Variants in SP3 observed in about 807,000 individuals in gnomAD.
SP3 encodes Sp3 transcription factor, also known as transcription factor Sp3.
Under a neutral mutation model 70.3 loss-of-function variants are expected in SP3, and 10 were observed. The observed-to-expected ratio is 0.14, with a 90% CI of 0.09 to 0.24. The LOEUF (loss-of-function observed/expected upper bound fraction) is 0.24. Ranked by LOEUF, SP3 falls within the 10% of genes least tolerant of loss-of-function variation. SP3 has a pLI of 1.00. For synonymous variants in SP3, 402 were observed against 333.5 expected (o/e 1.21, Z -2.24); for missense variants, 825 against 914.6 (o/e 0.90, Z 1.26).
In SP3 at chr2:173,964,560, G is replaced by A. The variant is rs1303977656; in HGVS notation, c.8-7C>T. 8.3e-6 allele frequency: 4 copies of A among 481,242 alleles called. No homozygotes were observed. The highest frequency in any genetic ancestry group is 2.4e-5 in the Admixed American group (1 of 41,448). 29.8% of individuals were successfully genotyped at this position (481,242 alleles called of 1,614,324 possible). A position where few individuals can be genotyped will look rare whatever the true frequency, so the allele number is the denominator to read the frequency against. Reference sequence around the variant, plus strand: ...TTCACGGGCTTTTCGGGAGCTGCAGGCACAGCGCGGGGGGGTGGGGGTGGG... The same window carrying A: ...TTCACGGGCTTTTCGGGAGCTGCAGACACAGCGCGGGGGGGTGGGGGTGGG... On this transcript the variant is annotated splice_polypyrimidine_tract_variant and splice_region_variant and intron_variant, in intron 1 of 6. Transcript: ENST00000310015.
chr2:173,933,672 A>ATATATATATATAT (rs1553516838), intron 4 of SP3, among the ~76,000 whole-genome samples: 3 of 140,844 alleles, frequency 2.1e-5, no homozygotes, highest in African/African-American at 8.1e-5. Context: ...ATATATATAT[A>ATATATATATATAT]AAAGTTATAA....
intron 4 of SP3, among the ~76,000 whole-genome samples, chr2:173,940,453 T>C (rs946455126): frequency 1.3e-5 from 2 of 152,232 alleles, no homozygotes; most frequent in African/African-American, 4.8e-5. Context: ...TATCGCCCAC[T>C]GCTTACTTTT....
intron 4 of SP3, among the ~76,000 whole-genome samples, chr2:173,935,577 C>T (rs1690186578): frequency 6.6e-6 from 1 of 152,186 alleles, no homozygotes; most frequent in East Asian, 1.9e-4. Flanking sequence ...GTACACACTT[C>T]CTGCACGTTT....
chr2:173,934,058 C>A (rs889428015), intron 4 of SP3, among the ~76,000 whole-genome samples: 32 of 151,782 alleles, frequency 2.1e-4, no homozygotes, highest in Middle Eastern at 3.4e-3. Flanking sequence ...ATAGTGAGAC[C>A]CCATCATTAC....
chr2:173,904,273 C>T lies in SP3; in HGVS notation c.*5668G>A, dbSNP rs531451401. 6.6e-4 allele frequency among the ~76,000 whole-genome samples: 101 copies of T among 152,198 alleles called. No homozygotes were observed. Among genetic ancestry groups the T allele is most frequent in the African/African-American group, 2.3e-3 (94 of 41,526 alleles). On this transcript the variant is annotated 3_prime_UTR_variant, in exon 7 of 7. Coordinates refer to ENST00000310015, the MANE Select transcript of SP3 (RefSeq NM_003111.5). The stretch of plus-strand genomic sequence containing the variant: ...TTCCTCACAGACCAGGGACCAGTAC[C>T]GGTCTGTGGCCCAGGGGTTGGGGAC...
chr2:173,931,906 T>C (rs935953923), intron 4 of SP3, among the ~76,000 whole-genome samples: 7 of 152,328 alleles, frequency 4.6e-5, no homozygotes, highest in Admixed American at 3.9e-4. Context: ...CTGGTATATC[T>C]GGCCAGACCA....
chr2:173,965,604 G>A, upstream of SP3: 1 of 210,176 alleles, frequency 4.8e-6, no homozygotes, highest in Non-Finnish European at 9.7e-6. Context: ...GCCGGCTGCC[G>A]CTGCCAGGCC....
At chr2:173,913,455 A>G (rs1449815179) in intron 5 of SP3, 189 bp from the exon 6 acceptor site, 8 of 391,140 alleles carry the variant, frequency 2.0e-5, no homozygotes, top group Non-Finnish European at 3.6e-5. Flanking sequence ...TACATTTTAT[A>G]TATTAACCTT....
intron 4 of SP3, among the ~76,000 whole-genome samples, chr2:173,948,314 A>C (rs1690606086): frequency 6.6e-6 from 1 of 152,212 alleles, no homozygotes; most frequent in Admixed American, 6.5e-5. Flanking sequence ...AGACTTCGCA[A>C]GTTTTAAATT....
intron 4 of SP3, among the ~76,000 whole-genome samples, chr2:173,940,293 C>T (rs1172784067): frequency 6.6e-6 from 1 of 152,126 alleles, no homozygotes; most frequent in Admixed American, 6.6e-5. Context: ...GAAACTGTTC[C>T]ACTCACTCAG....
intron 4 of SP3, among the ~76,000 whole-genome samples, chr2:173,935,813 C>G (rs1574411357): frequency 6.6e-6 from 1 of 150,980 alleles, no homozygotes; most frequent in East Asian, 2.0e-4. Flanking sequence ...GTCCCCAGAT[C>G]AGTTTTCCCC....
intron 4 of SP3, among the ~76,000 whole-genome samples, chr2:173,920,099 C>G (rs779558407): frequency 5.9e-5 from 9 of 152,072 alleles, no homozygotes; most frequent in Non-Finnish European, 1.2e-4. Flanking sequence ...CCCGCACCCC[C>G]TATGTATTCC....
chr2:173,936,945 A>G (rs1173447179), intron 4 of SP3, among the ~76,000 whole-genome samples: 3 of 152,032 alleles, frequency 2.0e-5, no homozygotes, highest in Admixed American at 2.0e-4. Context: ...ACTTCTACAC[A>G]GTTATCTGTA....
intron 4 of SP3, among the ~76,000 whole-genome samples, chr2:173,927,250 A>C (rs1689941785): frequency 6.6e-6 from 1 of 151,590 alleles, no homozygotes; most frequent in Non-Finnish European, 1.5e-5. Context: ...TTTGGGTGGG[A>C]CTTCCAAACC....
At position 173,903,576 on chromosome 2, in the gene SP3, T is replaced by TA. The variant is rs1195145028; in HGVS notation, c.*6364dup. On this transcript the variant is annotated 3_prime_UTR_variant, in exon 7 of 7. Coordinates refer to ENST00000310015, the MANE Select transcript of SP3 (RefSeq NM_003111.5). ...TAAAGGATCAGGGTGTGAGGAGGAC[T>TA]AAGTAATTGGGTATACATAATTAAA... Among the ~76,000 whole-genome samples the TA allele has an allele frequency of 1.2e-4, 18 of 152,194 alleles. No individual in the cohort carries two copies. The highest frequency in any genetic ancestry group is 1.2e-3 in the Admixed American group (18 of 15,286).
chr2:173,911,952 G>A (rs1424742192), intron 6 of SP3, among the ~76,000 whole-genome samples: 1 of 151,654 alleles, frequency 6.6e-6, no homozygotes, highest in Non-Finnish European at 1.5e-5. Flanking sequence ...CTGAGCAGCT[G>A]GGACTACAGG....
chr2:173,964,368 G>A (rs776638825), intron 2 of SP3, 37 bp downstream of exon 2: 4 of 670,738 alleles, frequency 6.0e-6, no homozygotes, highest in South Asian at 3.1e-5. Flanking sequence ...AAAGCGGCGC[G>A]AGGGGGGAGC....
At chr2:173,965,129 G>A (rs1003008543) in intron 1 of SP3, 36 bp downstream of exon 1, 3 of 1,546,548 alleles carry the variant, frequency 1.9e-6, no homozygotes, top group African/African-American at 2.8e-5. Flanking sequence ...CGGCGGCGGC[G>A]GCAGCAGCAA....
In SP3 at chr2:173,905,395, T is replaced by A. The variant is rs919021575; in HGVS notation, c.*4546A>T. ...CTATTGTTAGCCTCTTCATGGATGA[T>A]GAAAATGAGGTTTTAAGGTAAGAAA... On this transcript the variant is annotated 3_prime_UTR_variant, in exon 7 of 7. Transcript: ENST00000310015. Among the ~76,000 whole-genome samples the A allele has an allele frequency of 1.3e-4, 20 of 152,210 alleles. No homozygotes were observed. The highest frequency in any genetic ancestry group is 4.6e-4 in the African/African-American group (19 of 41,532).
Sources: gnomAD v4.1 joint callset for allele counts (sites outside exome capture counted in the v4.1 genomes callset) on GRCh38, gnomAD v4.1.1 for gene constraint, MANE v1.5 for transcripts, NCBI Gene and HGNC (gene_info 2026-07-23, HGNC 2026-07-21) for gene names.